The following RPS6KA5 variants were observed in gnomAD, a reference collection of about 807,000 sequenced individuals.
RPS6KA5 encodes the protein ribosomal protein S6 kinase alpha-5.
A neutral mutation model predicts 85.5 loss-of-function variants in RPS6KA5; 27 were observed. The observed-to-expected ratio is 0.32, with a 90% confidence interval of 0.23 to 0.44. The LOEUF is 0.44. Among genes scored for constraint, RPS6KA5 ranks in the 20% least tolerant of loss-of-function variants. The probability of loss-of-function intolerance (pLI) is 1.00; values close to 1 mark genes in which losing one functional copy is unlikely to be tolerated. For synonymous variants in RPS6KA5, 334 were observed against 348.2 expected (o/e 0.96, Z 0.46); for missense variants, 811 against 980.9 (o/e 0.83, Z 2.31).
At position 90,860,048 on chromosome 14, in the gene RPS6KA5, G is replaced by C. The variant is rs535921209; in HGVS notation, c.*12026C>G. ...TGGGTGCAGCAAACCACCAGGGCAC[G>C]TGTATACCTATGTAACAAACCTGCA... On this transcript the variant is annotated 3_prime_UTR_variant, in exon 17 of 17. Transcript: ENST00000614987. 7.2e-5 allele frequency: 11 copies of C among 152,290 alleles called. No individual in the cohort carries two copies. The highest frequency in any genetic ancestry group is 2.4e-4 in the African/African-American group (10 of 41,540). 9.4% of individuals were successfully genotyped at this position (152,290 alleles called of 1,614,324 possible).
intron 2 of RPS6KA5, among the ~76,000 whole-genome samples, chr14:91,000,663 G>A (rs113657653): frequency 3.1e-4 from 47 of 152,166 alleles, no homozygotes; most frequent in African/African-American, 7.0e-4. Flanking sequence ...TTAGCTGGGC[G>A]TGGTAGAAGG....
intron 2 of RPS6KA5, among the ~76,000 whole-genome samples, chr14:90,985,004 G>A (rs899740077): frequency 2.0e-5 from 3 of 151,438 alleles, no homozygotes; most frequent in Non-Finnish European, 2.9e-5. Context: ...GCAATGGCAC[G>A]ATCTTGGCTC....
At chr14:91,017,240 A>T (rs759316949) in intron 1 of RPS6KA5, among the ~76,000 whole-genome samples, 3 of 152,200 alleles carry the variant, frequency 2.0e-5, no homozygotes, top group Non-Finnish European at 4.4e-5. Context: ...GGTTGATAAC[A>T]CTGAACTGCT....
chr14:90,942,097 T>C (rs1310129484), intron 5 of RPS6KA5, among the ~76,000 whole-genome samples: 1 of 152,184 alleles, frequency 6.6e-6, no homozygotes, highest in Non-Finnish European at 1.5e-5. Flanking sequence ...GTACCCAGCA[T>C]AGTAGAGGGG....
intron 3 of RPS6KA5, among the ~76,000 whole-genome samples, chr14:90,967,196 T>C (rs963524736): frequency 6.6e-6 from 1 of 152,208 alleles, no homozygotes; most frequent in Non-Finnish European, 1.5e-5. Context: ...AATGATTTGT[T>C]TCTTGATTAA....
intron 1 of RPS6KA5, 58 bp downstream of exon 1, chr14:91,060,274 C>G: frequency 9.2e-7 from 1 of 1,086,490 alleles, no homozygotes; most frequent in Non-Finnish European, 1.1e-6. Context: ...CGGGCACCCG[C>G]GTGCCCTCAG....
At chr14:90,985,336 A>C (rs1949143324) in intron 2 of RPS6KA5, among the ~76,000 whole-genome samples, 1 of 152,280 alleles carries the variant, frequency 6.6e-6, no homozygotes, top group African/African-American at 2.4e-5. Flanking sequence ...TAACATAATT[A>C]AATGCATGCA....
chr14:90,993,985 C>A (rs1406329796), intron 2 of RPS6KA5, among the ~76,000 whole-genome samples: 1 of 151,900 alleles, frequency 6.6e-6, no homozygotes, highest in Admixed American at 6.6e-5. Context: ...ACCTCCCAGG[C>A]TCAGACAACC....
Position 90,871,990 on chromosome 14 carries a change from C to T in RPS6KA5, c.*84G>A. ...AGATTCCAATGAGACCAACGGGAAA[C>T]ATTTTTAAAAGCATAAAAGATCGCC... On this transcript the variant is annotated 3_prime_UTR_variant, in exon 17 of 17. Transcript: ENST00000614987. 1 of 1,500,876 alleles carries T rather than the reference C, an allele frequency of 6.7e-7. No homozygotes were observed. The highest frequency in any genetic ancestry group is 2.3e-5 in the Admixed American group (1 of 44,026). The allele number at this position is 1,500,876 out of a possible 1,614,324, so 93.0% of individuals were successfully genotyped here.
At chr14:90,957,585 T>C (rs1198315140) in intron 3 of RPS6KA5, among the ~76,000 whole-genome samples, 3 of 152,168 alleles carry the variant, frequency 2.0e-5, no homozygotes, top group African/African-American at 7.2e-5. Flanking sequence ...GACCCACTAA[T>C]TGCTGGCTGG....
chr14:91,052,508 A>AT, intron 1 of RPS6KA5: 1 of 240,624 alleles, frequency 4.2e-6, no homozygotes, highest in South Asian at 3.9e-5. Flanking sequence ...GAGATTGTAA[A>AT]TATGGATACC....
At chr14:90,946,193 T>C (rs936524088) in intron 4 of RPS6KA5, among the ~76,000 whole-genome samples, 1 of 152,142 alleles carries the variant, frequency 6.6e-6, no homozygotes, top group South Asian at 2.1e-4. Context: ...ACCATATCAA[T>C]AATTCCATGA....
chr14:90,948,512 C>A (rs942202310), intron 3 of RPS6KA5, among the ~76,000 whole-genome samples: 3 of 152,008 alleles, frequency 2.0e-5, no homozygotes, highest in African/African-American at 7.2e-5. Context: ...CTGGCTAACA[C>A]GGTGAAACCC....
Position 90,920,199 on chromosome 14 carries a change from A to T in RPS6KA5, c.806+7T>A. The T allele has an allele frequency of 6.5e-7, 1 of 1,532,352 alleles. No homozygotes were observed. Among genetic ancestry groups the T allele is most frequent in the Non-Finnish European group, 9.0e-7 (1 of 1,105,960 alleles). 94.9% of individuals were successfully genotyped at this position (1,532,352 alleles called of 1,614,324 possible). On this transcript the variant is annotated splice_region_variant and intron_variant, in intron 7 of 16. Coordinates refer to ENST00000614987, the MANE Select transcript of RPS6KA5 (RefSeq NM_004755.4). Reference sequence around the variant, plus strand: ...CAATGCATTTATTTTATTTTGTCAAATCTTACCTAGATATCTCAGCTTGGG... The same window carrying T: ...CAATGCATTTATTTTATTTTGTCAATTCTTACCTAGATATCTCAGCTTGGG...
chr14:90,910,567 T>G (rs2035751309), intron 7 of RPS6KA5, among the ~76,000 whole-genome samples: 1 of 151,938 alleles, frequency 6.6e-6, no homozygotes, highest in South Asian at 2.1e-4. Context: ...ACATGTGTTT[T>G]TGTGTGTTCA....
Position 90,889,014 on chromosome 14 carries a change from C to G in RPS6KA5, c.1836+1473G>C, listed in dbSNP as rs928343381. On this transcript the variant is annotated intron_variant, in intron 14 of 16. Transcript: ENST00000614987. ...CATAAAGAGCAATTCATAAAAGAGG[C>G]TGGGCACAGTGGCTCTCGCCTGTAA... Among the ~76,000 whole-genome samples, 4 of 152,294 alleles carry G rather than the reference C, an allele frequency of 2.6e-5. No homozygotes were observed. In the South Asian group the frequency reaches 6.2e-4, roughly 24 times the overall value.
chr14:90,887,788 T>G (rs182007016), intron 14 of RPS6KA5, among the ~76,000 whole-genome samples: 1 of 137,534 alleles, frequency 7.3e-6, no homozygotes, highest in Admixed American at 7.2e-5. Context: ...AAGACTTCTT[T>G]TCTATTTAAA....
intron 9 of RPS6KA5, 90 bp from the exon 10 acceptor site, chr14:90,900,826 A>G: frequency 1.9e-6 from 2 of 1,048,314 alleles, no homozygotes; most frequent in Non-Finnish European, 2.7e-6. Context: ...TTTTCCTTAG[A>G]AAAACACTCA....
chr14:90,894,531 C>T lies in RPS6KA5; in HGVS notation c.1526G>A (p.Arg509His), dbSNP rs537754207. ...ACTGAAGTGCTTCTTTTTCTTAATG[C>T]GCTCAAACAGTTCTCCTCCATTCAG... Reference protein sequence around the residue: ...ELLNGGELFERIKKKKHFSET... With the variant: ...ELLNGGELFEHIKKKKHFSET... The change falls in exon 13 of 17, where the codon CGC (arginine) becomes CAC (histidine). Residue 509 changes from arginine (R) to histidine (H), a missense_variant. Coordinates refer to ENST00000614987, the MANE Select transcript of RPS6KA5 (RefSeq NM_004755.4). 1.2e-5 allele frequency: 20 copies of T among 1,614,070 alleles called. No individual in the cohort carries two copies. Among genetic ancestry groups the T allele is most frequent in the East Asian group, 6.7e-5 (3 of 44,878 alleles).
Sources: gnomAD v4.1 joint callset for allele counts (sites outside exome capture counted in the v4.1 genomes callset) on GRCh38, gnomAD v4.1.1 for gene constraint, MANE v1.5 for transcripts, NCBI Gene and HGNC (gene_info 2026-07-23, HGNC 2026-07-21) for gene names.